Variants in MAOB observed in about 807,000 individuals in gnomAD.
The protein encoded by MAOB is monoamine oxidase B, also known as amine oxidase [flavin-containing] B.
A neutral mutation model predicts 41.9 loss-of-function variants in MAOB; 15 were observed. The observed-to-expected ratio is 0.36, with a 90% confidence interval of 0.24 to 0.55. The LOEUF (loss-of-function observed/expected upper bound fraction) is 0.55. Ranked by LOEUF, MAOB falls within the 20% of genes least tolerant of loss-of-function variation. The pLI, the probability that MAOB is intolerant of heterozygous loss-of-function variation, is 0.86. For synonymous variants in MAOB, 167 were observed against 144.2 expected, an observed-to-expected ratio of 1.16 and a Z score of -1.13; for missense variants, 345 against 398.7, an observed-to-expected ratio of 0.87 and a Z score of 1.15.
At chrX:43,793,709 TA>T (rs1461429718) in intron 7 of MAOB, 131 bp from the exon 8 acceptor site, 1 of 523,812 alleles carries the variant, frequency 1.9e-6, no homozygotes, top group African/African-American at 2.5e-5. Context: ...TGTCGAAACC[TA>T]AAGTAGCCCT....
intron 3 of MAOB, among the ~76,000 whole-genome samples, chrX:43,806,484 T>C (rs953897175): frequency 8.9e-6 from 1 of 111,853 alleles, no homozygotes; most frequent in Non-Finnish European, 1.9e-5. Context: ...CTTGTCATCA[T>C]GTCACCTCAG....
At chrX:43,852,940 G>C in intron 1 of MAOB, among the ~76,000 whole-genome samples, 1 of 111,449 alleles carries the variant, frequency 9.0e-6, no homozygotes, top group South Asian at 3.8e-4. Flanking sequence ...GTTAACTACA[G>C]ATATTTGGAA....
chrX:43,786,903 A>T (rs1359169421), intron 8 of MAOB, among the ~76,000 whole-genome samples: 1 of 111,799 alleles, frequency 8.9e-6, no homozygotes, highest in African/African-American at 3.3e-5. Flanking sequence ...TGCAGCATGG[A>T]AGAGATTTCT....
At chrX:43,817,324 G>A (rs1007071696) in intron 3 of MAOB, among the ~76,000 whole-genome samples, 1 of 110,317 alleles carries the variant, frequency 9.1e-6, no homozygotes, top group African/African-American at 3.3e-5. Context: ...TCAGTTGCTT[G>A]ACTTCTTTTT....
At chrX:43,871,460 C>T (rs1488218564) in intron 1 of MAOB, among the ~76,000 whole-genome samples, 1 of 108,045 alleles carries the variant, frequency 9.3e-6, no homozygotes. Context: ...GCCTCTGAGG[C>T]CCTTGAGGTG....
Position 43,769,350 on chromosome X carries a change from T to C in MAOB, c.1304A>G (p.Tyr435Cys), listed in dbSNP as rs1420562306. The change falls in exon 13 of 15, where the codon TAC becomes TGC. Residue 435 changes from tyrosine to cysteine, a missense_variant. Transcript: ENST00000378069. ...CCCGGCCTCTACAGCCCCCTCCATG[T>C]AGCCGCTCCAGTGTGTGGCAGTCTC... ...GTETATHWSGYMEGAVEAGER... is the reference protein window; with the variant it reads ...GTETATHWSGCMEGAVEAGER... The C allele has an allele frequency of 8.3e-7, 1 of 1,209,033 alleles. No individual in the cohort carries two copies. The highest frequency in any genetic ancestry group is 2.2e-5 in the Admixed American group (1 of 45,771).
intron 12 of MAOB, among the ~76,000 whole-genome samples, chrX:43,774,028 A>G (rs1038124342): frequency 2.7e-5 from 3 of 112,047 alleles, no homozygotes; most frequent in African/African-American, 9.7e-5. Flanking sequence ...ATCTTTAAGC[A>G]GGTAAAGAAA....
intron 3 of MAOB, among the ~76,000 whole-genome samples, chrX:43,818,968 A>G (rs1300318467): frequency 2.7e-5 from 3 of 111,301 alleles, no homozygotes; most frequent in Non-Finnish European, 5.7e-5. Context: ...TGGCAACCCT[A>G]GTCTTTGGAT....
intron 3 of MAOB, among the ~76,000 whole-genome samples, chrX:43,824,521 A>G (rs925160476): frequency 9.0e-6 from 1 of 111,224 alleles, no homozygotes; most frequent in Non-Finnish European, 1.9e-5. Flanking sequence ...CGTCTCTACT[A>G]AAAATAGAAA....
chrX:43,779,960 C>G (rs111718041), intron 10 of MAOB, among the ~76,000 whole-genome samples: 2,307 of 111,332 alleles, frequency 0.021, 79 homozygotes, highest in African/African-American at 0.07. Context: ...GCAGACTTCC[C>G]CACAACACAG....
chrX:43,807,259 T>A (rs1234794086), intron 3 of MAOB, among the ~76,000 whole-genome samples: 1 of 112,253 alleles, frequency 8.9e-6, no homozygotes, highest in East Asian at 2.8e-4. Flanking sequence ...CAATCCCCAT[T>A]CTAGCTCTGC....
chrX:43,776,534 G>C (rs914839567), intron 11 of MAOB, among the ~76,000 whole-genome samples: 3 of 110,998 alleles, frequency 2.7e-5, no homozygotes, highest in African/African-American at 9.9e-5. Context: ...ATATCTACCA[G>C]GGTGAAATAT....
chrX:43,781,820 C>A (rs1444629036), intron 8 of MAOB, among the ~76,000 whole-genome samples: 1 of 111,823 alleles, frequency 8.9e-6, no homozygotes, highest in African/African-American at 3.2e-5. Flanking sequence ...ATCTGGTTCT[C>A]CTTGCAGTTA....
chrX:43,769,202 T>A, intron 13 of MAOB, 105 bp downstream of exon 13: 4 of 1,029,966 alleles, frequency 3.9e-6, no homozygotes, highest in Non-Finnish European at 5.0e-6. Context: ...GGTCTTAAGA[T>A]GGGGGTTACT....
chrX:43,862,720 A>G (rs1340851329), intron 1 of MAOB, among the ~76,000 whole-genome samples: 4 of 111,791 alleles, frequency 3.6e-5, no homozygotes, highest in Non-Finnish European at 7.5e-5. Context: ...AAAGGCTCTT[A>G]AAGGCAGAGA....
chrX:43,794,557 A>C (rs1259234025), intron 7 of MAOB, among the ~76,000 whole-genome samples: 1 of 110,729 alleles, frequency 9.0e-6, no homozygotes. Context: ...CTGTGTTCTT[A>C]ACTCCTAGAA....
chrX:43,778,094 A>G (rs1345881523), intron 11 of MAOB, among the ~76,000 whole-genome samples: 1 of 111,172 alleles, frequency 9.0e-6, no homozygotes, highest in East Asian at 2.8e-4. Flanking sequence ...GGTGTCTAGA[A>G]AACTCAACTG....
intron 1 of MAOB, among the ~76,000 whole-genome samples, chrX:43,854,016 T>C (rs1298800108): frequency 8.9e-6 from 1 of 112,543 alleles, no homozygotes; most frequent in African/African-American, 3.2e-5. Context: ...TTAAACTTAT[T>C]TGGGCTTATT....
chrX:43,862,108 T>C (rs2035336088), intron 1 of MAOB, among the ~76,000 whole-genome samples: 1 of 111,954 alleles, frequency 8.9e-6, no homozygotes, highest in Non-Finnish European at 1.9e-5. Context: ...CAACTCAAAA[T>C]GGCAATGTCA....
Sources: gnomAD v4.1 joint callset for allele counts (sites outside exome capture counted in the v4.1 genomes callset) on GRCh38, gnomAD v4.1.1 for gene constraint, MANE v1.5 for transcripts, NCBI Gene and HGNC (gene_info 2026-07-23, HGNC 2026-07-21) for gene names.